Variants in FGF14 observed in about 807,000 individuals in gnomAD.
FGF14 encodes the protein fibroblast growth factor 14.
Under a neutral mutation model 25.5 loss-of-function variants are expected in FGF14, and 5 were observed. The ratio of observed to expected loss-of-function variants is 0.20; its 90% CI spans 0.10 to 0.41. The LOEUF is 0.41. Ranked by LOEUF, FGF14 falls within the 10% of genes least tolerant of loss-of-function variation. The probability of loss-of-function intolerance (pLI) is 1.00; values close to 1 mark genes in which losing one functional copy is unlikely to be tolerated. For synonymous variants in FGF14, 138 were observed against 118.3 expected (o/e 1.17, Z -1.08); for missense variants, 222 against 320.1 (o/e 0.69, Z 2.34).
chr13:101,724,622 ATATATATAT>A (rs1266020174), intron 4 of FGF14, among the ~76,000 whole-genome samples: 14 of 144,292 alleles, frequency 9.7e-5, no homozygotes, highest in South Asian at 2.2e-4. Flanking sequence ...ATATATATAT[ATATATATAT>A]AAAACAAAGA....
chr13:101,885,717 A>AC (rs397946668), intron 1 of FGF14, among the ~76,000 whole-genome samples: 3 of 151,064 alleles, frequency 2.0e-5, no homozygotes, highest in African/African-American at 7.4e-5. Flanking sequence ...AAAAAAAAAA[A>AC]CTGCAGGGTC....
At chr13:102,339,992 G>A (rs924311864) in intron 1 of FGF14, among the ~76,000 whole-genome samples, 28 of 152,158 alleles carry the variant, frequency 1.8e-4, no homozygotes, top group African/African-American at 6.3e-4. Flanking sequence ...AACGACACAC[G>A]GAATAAGAAA....
At chr13:102,389,819 C>A (rs984732143) in intron 1 of FGF14, among the ~76,000 whole-genome samples, 5 of 152,190 alleles carry the variant, frequency 3.3e-5, no homozygotes, top group Admixed American at 2.0e-4. Flanking sequence ...AGGGAACTGA[C>A]AACCACATGA....
intron 1 of FGF14, among the ~76,000 whole-genome samples, chr13:102,308,032 G>A (rs2055496300): frequency 6.6e-6 from 1 of 152,150 alleles, no homozygotes; most frequent in African/African-American, 2.4e-5. Flanking sequence ...CCTCAGAACA[G>A]GCCCTCTCAG....
At chr13:102,199,808 G>A (rs903268938) in intron 1 of FGF14, among the ~76,000 whole-genome samples, 3 of 152,046 alleles carry the variant, frequency 2.0e-5, no homozygotes, top group African/African-American at 7.2e-5. Flanking sequence ...TTCTCAGTGT[G>A]CCACATGCCA....
At chr13:101,829,835 A>G (rs1329120225) in intron 3 of FGF14, among the ~76,000 whole-genome samples, 4 of 152,250 alleles carry the variant, frequency 2.6e-5, no homozygotes, top group Non-Finnish European at 4.4e-5. Flanking sequence ...TATTCTGTTT[A>G]GTCCTCATAG....
intron 1 of FGF14, among the ~76,000 whole-genome samples, chr13:102,241,159 G>A (rs1416196129): frequency 6.6e-6 from 1 of 152,032 alleles, no homozygotes; most frequent in African/African-American, 2.4e-5. Flanking sequence ...GTAGAGAAAG[G>A]GGCACTCATA....
chr13:101,820,993 G>GCCGGA, intron 3 of FGF14, among the ~76,000 whole-genome samples: 1 of 149,176 alleles, frequency 6.7e-6, no homozygotes, highest in Non-Finnish European at 1.5e-5. Context: ...TGTCGCCCAG[G>GCCGGA]CTGGAGTGCA....
At chr13:102,383,299 TGTTA>T (rs1477727643) in intron 1 of FGF14, among the ~76,000 whole-genome samples, 1 of 152,184 alleles carries the variant, frequency 6.6e-6, no homozygotes, top group Non-Finnish European at 1.5e-5. Context: ...TTTGAAGTTG[TGTTA>T]GTATTCATTA....
At chr13:102,311,045 C>A (rs1324396736) in intron 1 of FGF14, among the ~76,000 whole-genome samples, 2 of 152,114 alleles carry the variant, frequency 1.3e-5, no homozygotes, top group Non-Finnish European at 2.9e-5. Context: ...CACATACACA[C>A]ACACACACAC....
At chr13:101,779,332 T>C (rs967271186) in intron 3 of FGF14, among the ~76,000 whole-genome samples, 1 of 152,198 alleles carries the variant, frequency 6.6e-6, no homozygotes, top group African/African-American at 2.4e-5. Context: ...TGTGTCCATA[T>C]TAACAACAAT....
At chr13:102,166,464 G>A (rs937108508) in intron 1 of FGF14, among the ~76,000 whole-genome samples, 4 of 152,064 alleles carry the variant, frequency 2.6e-5, no homozygotes, top group African/African-American at 9.7e-5. Flanking sequence ...CCCAGCTGAA[G>A]TCCAACATGG....
intron 1 of FGF14, among the ~76,000 whole-genome samples, chr13:102,285,264 T>C (rs1302673835): frequency 6.6e-6 from 1 of 152,200 alleles, no homozygotes; most frequent in Non-Finnish European, 1.5e-5. Flanking sequence ...TGCTTCGAAG[T>C]GAAGACTTAT....
rs1056703065 is a variant in FGF14 at position 102,319,088 on chromosome 13, C to T, written c.208+82383G>A. 2.0e-5 allele frequency among the ~76,000 whole-genome samples: 3 copies of T among 152,154 alleles called. No homozygotes were observed. The East Asian group carries it at 5.8e-4, about 29-fold the overall frequency. The stretch of plus-strand genomic sequence containing the variant: ...GGCACTCCTTGCTGTCTGATCACAG[C>T]AGAAGGCTCTGAATTTGAAGTTGGA... On this transcript the variant is annotated intron_variant, in intron 1 of 4. Coordinates refer to the FGF14 transcript ENST00000376131.
At chr13:102,049,420 G>A (rs1174163124) in intron 1 of FGF14, among the ~76,000 whole-genome samples, 1 of 151,972 alleles carries the variant, frequency 6.6e-6, no homozygotes, top group African/African-American at 2.4e-5. Flanking sequence ...TTTTTGTTTT[G>A]AATGGGATTA....
intron 3 of FGF14, among the ~76,000 whole-genome samples, chr13:101,767,314 C>G (rs1943438708): frequency 6.6e-6 from 1 of 152,124 alleles, no homozygotes; most frequent in African/African-American, 2.4e-5. Context: ...AGAGTGCCAG[C>G]CTCCAGAGAT....
chr13:101,876,351 G>A (rs1477849230), intron 1 of FGF14, among the ~76,000 whole-genome samples: 1 of 152,172 alleles, frequency 6.6e-6, no homozygotes, highest in African/African-American at 2.4e-5. Context: ...AATGCAATCC[G>A]CTGTCGAAAC....
At chr13:101,979,929 T>G (rs1175534867) in intron 1 of FGF14, among the ~76,000 whole-genome samples, 1 of 152,162 alleles carries the variant, frequency 6.6e-6, no homozygotes, top group Admixed American at 6.5e-5. Context: ...AAACACTAGA[T>G]TCCCATCTAA....
intron 1 of FGF14, among the ~76,000 whole-genome samples, chr13:101,888,168 GTC>G (rs1406453399): frequency 6.6e-6 from 1 of 152,276 alleles, no homozygotes; most frequent in Non-Finnish European, 1.5e-5. Context: ...CAAGCTAAAA[GTC>G]TGCACACTGA....
Sources: allele counts gnomAD v4.1 joint callset (sites outside exome capture counted in the v4.1 genomes callset), GRCh38; gene constraint gnomAD v4.1.1; transcripts MANE v1.5; gene names NCBI Gene and HGNC (gene_info 2026-07-23, HGNC 2026-07-21).